COG5: variants seen among roughly 807,000 people sequenced by gnomAD.
COG5 encodes component of oligomeric golgi complex 5.
COG5 carries 86 observed loss-of-function variants against 110.4 expected under a neutral mutation model. The ratio of observed to expected loss-of-function variants is 0.78; its 90% CI spans 0.65 to 0.93. The LOEUF (loss-of-function observed/expected upper bound fraction) is 0.93. COG5 is among the 40% of genes least tolerant of loss of function. COG5 has a pLI of 0.00. For missense variants in COG5, 1,077 were observed against 987.0 expected (o/e 1.09, Z -1.22); for synonymous variants, 360 against 334.6 (o/e 1.08, Z -0.83).
At chr7:107,397,373 T>C (rs909456471) in intron 7 of COG5, among the ~76,000 whole-genome samples, 1 of 152,182 alleles carries the variant, frequency 6.6e-6, no homozygotes, top group African/African-American at 2.4e-5. Context: ...CCTGAATCCT[T>C]GTTGAATAGT....
chr7:107,442,282 T>C (rs1333689047), intron 6 of COG5, among the ~76,000 whole-genome samples: 9 of 152,284 alleles, frequency 5.9e-5, no homozygotes, highest in East Asian at 3.9e-4. Context: ...CCTTCCACCA[T>C]GATTATAAGT....
intron 6 of COG5, among the ~76,000 whole-genome samples, chr7:107,462,611 T>TA (rs370588173): frequency 0.41 from 45,572 of 112,006 alleles, 10,669 homozygotes; most frequent in African/African-American, 0.69. Context: ...GAAAAATGCC[T>TA]AAAAAAAAAA....
At chr7:107,290,935 C>T (rs866451238) in intron 12 of COG5, among the ~76,000 whole-genome samples, 12 of 152,236 alleles carry the variant, frequency 7.9e-5, no homozygotes, top group Middle Eastern at 3.4e-3. Context: ...TGATTACAGG[C>T]GTCAGCCACC....
chr7:107,563,828 A>G lies in COG5; in HGVS notation c.69T>C (p.Ala23=). ...LGARGSGAAA[A]TVRELLQDGC... is the part of the protein sequence containing the mutation. ...CGTCCTGCAGAAGTTCCCGGACTGT[A>G]GCTGCAGCCGCTCCAGAGCCTCGAG... Residue 23 remains alanine (A), a synonymous_variant, in exon 1 of 22, where the codon GCT becomes GCC. Coordinates refer to ENST00000297135, the MANE Select transcript of COG5 (RefSeq NM_006348.5). 1 of 1,613,784 alleles carries G rather than the reference A, an allele frequency of 6.2e-7. No individual in the cohort carries two copies. The highest frequency in any genetic ancestry group is 1.7e-4 in the Middle Eastern group (1 of 6,058).
intron 11 of COG5, among the ~76,000 whole-genome samples, chr7:107,311,537 GCGCC>G (rs1456374419): frequency 1.7e-4 from 25 of 150,140 alleles, no homozygotes; most frequent in Non-Finnish European, 3.0e-4. Context: ...GGGACTACAG[GCGCC>G]CGCCACCGCG....
intron 5 of COG5, among the ~76,000 whole-genome samples, chr7:107,541,085 A>C (rs1485543234): frequency 6.6e-6 from 1 of 151,588 alleles, no homozygotes; most frequent in Non-Finnish European, 1.5e-5. Context: ...CAGGAGGCGG[A>C]GGTTGCAGTG....
intron 5 of COG5, among the ~76,000 whole-genome samples, chr7:107,530,324 G>A (rs555480167): frequency 8.9e-4 from 135 of 152,156 alleles, no homozygotes; most frequent in African/African-American, 3.0e-3. Context: ...TTTTTGGGCC[G>A]GACGCAGTGG....
intron 6 of COG5, among the ~76,000 whole-genome samples, chr7:107,504,648 ATTT>A (rs537742030): frequency 6.6e-6 from 1 of 151,866 alleles, no homozygotes; most frequent in East Asian, 1.9e-4. Flanking sequence ...TTTGTTGGCA[ATTT>A]TTTTTATTAC....
chr7:107,476,457 A>C (rs1448113034), intron 6 of COG5, among the ~76,000 whole-genome samples: 1 of 151,564 alleles, frequency 6.6e-6, no homozygotes, highest in African/African-American at 2.4e-5. Flanking sequence ...TCCACACTGA[A>C]ATCACTAAGG....
chr7:107,251,372 CTTTAA>C (rs898660630), intron 16 of COG5, among the ~76,000 whole-genome samples: 21 of 152,142 alleles, frequency 1.4e-4, no homozygotes, highest in Middle Eastern at 3.4e-3. Context: ...ACATGATAAA[CTTTAA>C]TTTAAGCTCA....
chr7:107,559,534 C>T (rs1803609202), intron 1 of COG5, among the ~76,000 whole-genome samples: 2 of 152,160 alleles, frequency 1.3e-5, no homozygotes, highest in African/African-American at 4.8e-5. Context: ...CAATACCAGA[C>T]ACATGGCAGG....
intron 8 of COG5, among the ~76,000 whole-genome samples, chr7:107,369,487 A>C (rs949620160): frequency 6.6e-6 from 1 of 150,882 alleles, no homozygotes; most frequent in African/African-American, 2.5e-5. Flanking sequence ...CCCAGGTTCA[A>C]GCGATTCTCC....
At chr7:107,499,887 T>C (rs980376517) in intron 6 of COG5, among the ~76,000 whole-genome samples, 1 of 151,952 alleles carries the variant, frequency 6.6e-6, no homozygotes, top group African/African-American at 2.4e-5. Context: ...TTCTAAAACA[T>C]CCCCCAGCTC....
At chr7:107,495,954 T>TA (rs1455893427) in intron 6 of COG5, among the ~76,000 whole-genome samples, 2 of 149,362 alleles carry the variant, frequency 1.3e-5, no homozygotes, top group East Asian at 2.0e-4. Context: ...TTTTAATTAT[T>TA]TTTTTTTTTA....
At chr7:107,300,564 A>G (rs1184883704) in intron 11 of COG5, among the ~76,000 whole-genome samples, 1 of 152,202 alleles carries the variant, frequency 6.6e-6, no homozygotes, top group Non-Finnish European at 1.5e-5. Flanking sequence ...ATTTTAAAAG[A>G]ATACAATTTA....
At chr7:107,443,605 C>T (rs559354928) in intron 6 of COG5, among the ~76,000 whole-genome samples, 2 of 151,906 alleles carry the variant, frequency 1.3e-5, no homozygotes, top group South Asian at 4.1e-4. Context: ...AGAGGAGAGA[C>T]TTTAAATTAT....
chr7:107,523,002 T>C (rs1341890156), intron 6 of COG5, among the ~76,000 whole-genome samples: 1 of 152,218 alleles, frequency 6.6e-6, no homozygotes, highest in Non-Finnish European at 1.5e-5. Context: ...CGAGATCCTC[T>C]GAATTTCTAT....
At chr7:107,563,740 T>C in intron 1 of COG5, 63 bp downstream of exon 1, 2 of 1,581,606 alleles carry the variant, frequency 1.3e-6, no homozygotes, top group South Asian at 1.1e-5. Flanking sequence ...TCCACCTCGC[T>C]GTCCAGGTGC....
At chr7:107,210,756 G>A (rs1409978415) in intron 20 of COG5, 151 bp from the exon 21 acceptor site, 5 of 917,424 alleles carry the variant, frequency 5.5e-6, no homozygotes, top group Non-Finnish European at 6.8e-6. Context: ...ATAGGCCTTG[G>A]TGCACCTTCC....
Sources: allele counts gnomAD v4.1 joint callset (sites outside exome capture counted in the v4.1 genomes callset), GRCh38; gene constraint gnomAD v4.1.1; transcripts MANE v1.5; gene names NCBI Gene and HGNC (gene_info 2026-07-23, HGNC 2026-07-21).